The following HYDIN variants were observed in gnomAD, a reference collection of about 807,000 sequenced individuals.
HYDIN encodes HYDIN axonemal central pair apparatus protein.
A neutral mutation model predicts 403.9 loss-of-function variants in HYDIN; 132 were observed. The ratio of observed to expected loss-of-function variants is 0.33; its 90% confidence interval spans 0.28 to 0.38. The LOEUF (loss-of-function observed/expected upper bound fraction) is 0.38. Ranked by LOEUF, HYDIN falls within the 10% of genes least tolerant of loss-of-function variation. The pLI is 1.00. For missense variants in HYDIN, 2,827 were observed against 5,009.5 expected (o/e 0.56, Z 13.15); for synonymous variants, 1,202 against 1,891.7 (o/e 0.64, Z 9.46).
At chr16:71,219,128 G>A (rs1011558058) in intron 1 of HYDIN, among the ~76,000 whole-genome samples, 1 of 152,256 alleles carries the variant, frequency 6.6e-6, no homozygotes, top group Non-Finnish European at 1.5e-5. Context: ...TAATAAAAAT[G>A]AGCATCAACA....
chr16:71,138,838 C>T (rs2085041927), intron 7 of HYDIN, among the ~76,000 whole-genome samples: 1 of 152,176 alleles, frequency 6.6e-6, no homozygotes, highest in Non-Finnish European at 1.5e-5. Flanking sequence ...AATCCCAGCA[C>T]TTCGGGAGGC....
intron 75 of HYDIN, among the ~76,000 whole-genome samples, chr16:70,840,471 G>A (rs1382939005): frequency 6.6e-6 from 1 of 151,928 alleles, no homozygotes; most frequent in South Asian, 2.1e-4. Context: ...CAGCTTGAAG[G>A]CTCAGGGGTA....
At chr16:70,986,791 AG>A (rs1244107446) in intron 27 of HYDIN, among the ~76,000 whole-genome samples, 2 of 121,632 alleles carry the variant, frequency 1.6e-5, no homozygotes, top group Non-Finnish European at 3.4e-5. Context: ...TGGGTCTTAT[AG>A]GATGTAAAGG....
chr16:70,989,583 CTAATA>C (rs2079279752), intron 25 of HYDIN, among the ~76,000 whole-genome samples: 2 of 152,038 alleles, frequency 1.3e-5, no homozygotes, highest in East Asian at 1.9e-4. Flanking sequence ...TTCAGTTGAC[CTAATA>C]TGAGTGCCAT....
intron 5 of HYDIN, among the ~76,000 whole-genome samples, chr16:71,169,582 C>T (rs1323387448): frequency 6.6e-6 from 1 of 152,088 alleles, no homozygotes; most frequent in East Asian, 1.9e-4. Flanking sequence ...GGTACAAATA[C>T]TACGTGATCT....
rs751217729 is a variant in HYDIN at position 71,162,646 on chromosome 16, C to T, written c.601G>A (p.Asp201Asn). The T allele has an allele frequency of 4.7e-6, 4 of 847,802 alleles. No homozygotes were observed. Among genetic ancestry groups the T allele is most frequent in the Non-Finnish European group, 8.2e-6 (4 of 487,696 alleles). The allele number at this position is 847,802 out of a possible 1,614,324, so 52.5% of individuals were successfully genotyped here. Residue 201 changes from aspartate to asparagine, a missense_variant, in exon 6 of 86, where the codon GAT becomes AAT. Asp to Asn is a conservative substitution (Grantham distance 23). Transcript: ENST00000393567. Reference sequence around the variant, plus strand: ...GAAAAATTCAGCTTGTCAGGAAAATCGAGAATGGCTCGTGCCCCTCTAGCT... The same window carrying T: ...GAAAAATTCAGCTTGTCAGGAAAATTGAGAATGGCTCGTGCCCCTCTAGCT... Reference protein sequence around the residue: ...IKARGARAILDFPDKLNFSTC... With the variant: ...IKARGARAILNFPDKLNFSTC...
chr16:70,879,491 A>G lies in HYDIN; in HGVS notation c.10368-5T>C, dbSNP rs1015454100. The G allele has an allele frequency of 1.2e-5, 19 of 1,613,576 alleles. No individual in the cohort carries two copies. Among genetic ancestry groups the G allele is most frequent in the Non-Finnish European group, 1.6e-5 (19 of 1,179,728 alleles). ...CCTCGGCTCTTGGCCAGGGTGCTGT[A>G]GGGGACAGGAAGATTGTAGCCTGTC... is the stretch of plus-strand genomic sequence containing the variant. On this transcript the variant is annotated splice_polypyrimidine_tract_variant and splice_region_variant and intron_variant, in intron 61 of 85. Coordinates refer to ENST00000393567, the MANE Select transcript of HYDIN (RefSeq NM_001270974.2).
chr16:70,872,613 C>T (rs1488261708), intron 64 of HYDIN, among the ~76,000 whole-genome samples: 1 of 144,704 alleles, frequency 6.9e-6, no homozygotes, highest in Non-Finnish European at 1.5e-5. Flanking sequence ...CCATCATCCA[C>T]CCACCCACCC....
chr16:71,114,967 C>A (rs1255611268), intron 10 of HYDIN, among the ~76,000 whole-genome samples: 2 of 140,056 alleles, frequency 1.4e-5, no homozygotes, highest in Non-Finnish European at 3.1e-5. Flanking sequence ...TTTGGTAAAA[C>A]TTAAAAAGAA....
chr16:71,049,858 T>C (rs940558826), intron 18 of HYDIN, among the ~76,000 whole-genome samples: 2 of 143,872 alleles, frequency 1.4e-5, no homozygotes, highest in African/African-American at 5.2e-5. Flanking sequence ...GAATAAACTT[T>C]AGACTTGCCA....
rs1033191492 is a variant in HYDIN, at chr16:71,214,025, G to A, written c.-24+16537C>T. Among the ~76,000 whole-genome samples the A allele has an allele frequency of 3.5e-4, 53 of 151,914 alleles. 1 individual carries two copies. Reference sequence around the variant, plus strand: ...ATAATATGAATATATAACATTTTTAGAAAATCCAAAAAGCTGACATAAATT... The same window carrying A: ...ATAATATGAATATATAACATTTTTAAAAAATCCAAAAAGCTGACATAAATT... On this transcript the variant is annotated intron_variant, in intron 1 of 85. Coordinates refer to ENST00000393567, the MANE Select transcript of HYDIN (RefSeq NM_001270974.2).
At chr16:70,979,255 G>A (rs1368996372) in intron 29 of HYDIN, among the ~76,000 whole-genome samples, 4 of 141,172 alleles carry the variant, frequency 2.8e-5, no homozygotes, top group Non-Finnish European at 4.5e-5. Flanking sequence ...AGTTCAATGA[G>A]ATTGTGCTTT....
chr16:70,832,653 T>C (rs1248052178), intron 80 of HYDIN, among the ~76,000 whole-genome samples, 195 bp downstream of exon 80: 2 of 152,264 alleles, frequency 1.3e-5, no homozygotes, highest in African/African-American at 4.8e-5. Context: ...AATGTAATGT[T>C]TCAGATGAGA....
At chr16:71,063,538 T>C (rs1234721374) in intron 16 of HYDIN, among the ~76,000 whole-genome samples, 2 of 152,230 alleles carry the variant, frequency 1.3e-5, no homozygotes, top group Non-Finnish European at 2.9e-5. Flanking sequence ...TGACCCCAGA[T>C]GCACACTCCA....
intron 36 of HYDIN, among the ~76,000 whole-genome samples, chr16:70,965,740 C>T (rs2078552965): frequency 6.6e-6 from 1 of 151,934 alleles, no homozygotes; most frequent in Non-Finnish European, 1.5e-5. Flanking sequence ...AATATTTGAA[C>T]ACCACTGCTA....
intron 23 of HYDIN, among the ~76,000 whole-genome samples, chr16:70,996,488 C>T (rs1161648875): frequency 6.6e-6 from 1 of 151,820 alleles, no homozygotes; most frequent in Non-Finnish European, 1.5e-5. Flanking sequence ...TTCCGGCTTC[C>T]CCACTTGTGC....
intron 62 of HYDIN, among the ~76,000 whole-genome samples, chr16:70,878,230 T>G (rs956394942): frequency 6.6e-6 from 1 of 150,548 alleles, no homozygotes; most frequent in East Asian, 2.0e-4. Context: ...TGCCACCACG[T>G]AAGACATGTC....
Position 71,219,130 on chromosome 16 carries a change from G to T in HYDIN, c.-24+11432C>A, listed in dbSNP as rs1373558004. On this transcript the variant is annotated intron_variant, in intron 1 of 85. Coordinates refer to ENST00000393567, the MANE Select transcript of HYDIN (RefSeq NM_001270974.2). ...GGTGGATTGTTTATAATAAAAATGA[G>T]CATCAACAACATAGTTGTACAGAAC... Among the ~76,000 whole-genome samples the T allele has an allele frequency of 2.0e-5, 3 of 152,208 alleles. No individual in the cohort carries two copies. In the East Asian group the frequency reaches 5.8e-4, roughly 29 times the overall value.
chr16:71,209,750 G>A (rs546115777), intron 1 of HYDIN, among the ~76,000 whole-genome samples: 8 of 152,112 alleles, frequency 5.3e-5, no homozygotes, highest in African/African-American at 1.9e-4. Flanking sequence ...CGGCATCCAA[G>A]CCAAGATCCA....
Sources: gnomAD v4.1 joint callset for allele counts (sites outside exome capture counted in the v4.1 genomes callset) on GRCh38, gnomAD v4.1.1 for gene constraint, MANE v1.5 for transcripts, NCBI Gene and HGNC (gene_info 2026-07-23, HGNC 2026-07-21) for gene names.